TPTE: variants seen among roughly 807,000 people sequenced by gnomAD.
TPTE encodes the protein transmembrane phosphatase with tensin homology.
Under a neutral mutation model 84.1 loss-of-function variants are expected in TPTE, and 59 were observed. That is an observed-to-expected ratio of 0.70 (90% CI 0.57 to 0.87). The LOEUF is 0.87. TPTE is among the 40% of genes least tolerant of loss of function. The pLI is 0.00. For synonymous variants in TPTE, 130 were observed against 223.5 expected, an observed-to-expected ratio of 0.58 and a Z score of 3.73; for missense variants, 382 against 659.6, an observed-to-expected ratio of 0.58 and a Z score of 4.61.
chr21:10,583,217 A>G (rs551561809), intron 17 of TPTE, among the ~76,000 whole-genome samples: 80 of 152,284 alleles, frequency 5.3e-4, no homozygotes, highest in Admixed American at 8.5e-4. Flanking sequence ...GTAGACTTCA[A>G]GCATTCCATA....
intron 7 of TPTE, among the ~76,000 whole-genome samples, chr21:10,549,645 CAA>C (rs59073771): frequency 6.6e-6 from 1 of 151,814 alleles, no homozygotes; most frequent in African/African-American, 2.4e-5. Flanking sequence ...CACAGACAGG[CAA>C]AAAAAGGATA....
intron 8 of TPTE, among the ~76,000 whole-genome samples, chr21:10,559,027 C>T (rs210538): frequency 0.22 from 32,290 of 144,860 alleles, 320 homozygotes; most frequent in African/African-American, 0.48. Context: ...GTGTCTAGTT[C>T]GAGGAGATGA....
intron 17 of TPTE, among the ~76,000 whole-genome samples, chr21:10,584,460 C>G (rs1279314960): frequency 6.6e-6 from 1 of 152,294 alleles, no homozygotes; most frequent in Non-Finnish European, 1.5e-5. Context: ...ATATCAGCCT[C>G]TTGAGTAGCT....
chr21:10,543,001 A>ATCTG (rs2074398468), intron 6 of TPTE, among the ~76,000 whole-genome samples: 1 of 147,722 alleles, frequency 6.8e-6, no homozygotes, highest in Non-Finnish European at 1.5e-5. Context: ...CGCGTCTCCT[A>ATCTG]TCTGACTGTA....
intron 7 of TPTE, among the ~76,000 whole-genome samples, chr21:10,545,651 CAT>C (rs1491045869): frequency 6.6e-6 from 1 of 152,186 alleles, no homozygotes; most frequent in Non-Finnish European, 1.5e-5. Flanking sequence ...CACACACACA[CAT>C]ATAACACACA....
intron 3 of TPTE, among the ~76,000 whole-genome samples, chr21:10,535,975 A>G (rs947280081): frequency 6.6e-6 from 1 of 152,304 alleles, no homozygotes; most frequent in Non-Finnish European, 1.5e-5. Context: ...GACTGCAGTT[A>G]CATTAGAAAT....
intron 14 of TPTE, among the ~76,000 whole-genome samples, chr21:10,573,059 T>TTAA (rs1555814200): frequency 3.4e-5 from 5 of 146,740 alleles, no homozygotes; most frequent in African/African-American, 7.4e-5. Flanking sequence ...TGCCAAGATT[T>TTAA]AAAAAAAAAA....
intron 10 of TPTE, among the ~76,000 whole-genome samples, chr21:10,562,035 C>CAG (rs1040366367): frequency 6.4e-4 from 97 of 152,380 alleles, no homozygotes; most frequent in African/African-American, 2.0e-3. Flanking sequence ...TGCCTCAGAA[C>CAG]AGAGAGAGAG....
chr21:10,576,579 C>A (rs62211231), intron 14 of TPTE: 1,407 of 149,258 alleles, frequency 9.4e-3, no homozygotes, highest in Non-Finnish European at 0.014. Flanking sequence ...ACAGAGATAG[C>A]CAGTTTAATA....
chr21:10,554,880 TC>T (rs368774377), intron 8 of TPTE, among the ~76,000 whole-genome samples: 9 of 152,424 alleles, frequency 5.9e-5, no homozygotes, highest in African/African-American at 2.2e-4. Flanking sequence ...GAACATGTCA[TC>T]CCTCTGTATT....
intron 3 of TPTE, among the ~76,000 whole-genome samples, chr21:10,532,476 T>A (rs1020246581): frequency 1.0e-4 from 16 of 152,418 alleles, no homozygotes; most frequent in African/African-American, 3.6e-4. Context: ...TTCTCCACGG[T>A]TTTTTCTTCT....
At chr21:10,583,648 T>G (rs1328856442) in intron 17 of TPTE, among the ~76,000 whole-genome samples, 2 of 152,310 alleles carry the variant, frequency 1.3e-5, no homozygotes, top group Non-Finnish European at 1.5e-5. Flanking sequence ...TTAAGAAAAT[T>G]TTCCTTGAGT....
At chr21:10,545,423 G>A (rs1206157399) in intron 7 of TPTE, among the ~76,000 whole-genome samples, 2 of 152,310 alleles carry the variant, frequency 1.3e-5, no homozygotes, top group African/African-American at 4.8e-5. Context: ...TATAAATGTA[G>A]AGCAAATGTA....
intron 14 of TPTE, among the ~76,000 whole-genome samples, chr21:10,573,874 A>G (rs1568721505): frequency 6.6e-6 from 1 of 152,312 alleles, no homozygotes; most frequent in Non-Finnish European, 1.5e-5. Context: ...CGGCAACAAA[A>G]CAATGCAAAT....
intron 1 of TPTE, among the ~76,000 whole-genome samples, chr21:10,523,241 C>G (rs1392504674): frequency 6.6e-6 from 1 of 152,304 alleles, no homozygotes; most frequent in Non-Finnish European, 1.5e-5. Context: ...TTGGTACATT[C>G]TCCCCCACCC....
At chr21:10,590,034 T>TA (rs2075437992) in intron 17 of TPTE, among the ~76,000 whole-genome samples, 1 of 152,308 alleles carries the variant, frequency 6.6e-6, no homozygotes, top group African/African-American at 2.4e-5. Context: ...TATATGTATA[T>TA]TTTTAAATCT....
intron 10 of TPTE, among the ~76,000 whole-genome samples, chr21:10,561,441 G>A (rs1266326734): frequency 5.3e-5 from 8 of 151,080 alleles, no homozygotes; most frequent in Non-Finnish European, 1.0e-4. Flanking sequence ...GCATTGAGCC[G>A]AGATCATGCC....
intron 21 of TPTE, among the ~76,000 whole-genome samples, chr21:10,598,876 GC>G (rs1185452176): frequency 6.6e-6 from 1 of 152,310 alleles, no homozygotes; most frequent in Non-Finnish European, 1.5e-5. Context: ...TCTGCGCCCG[GC>G]TTTTTTGGCC....
chr21:10,539,734 G>GGGTGC (rs1371434157), intron 4 of TPTE, among the ~76,000 whole-genome samples: 1 of 152,302 alleles, frequency 6.6e-6, no homozygotes, highest in African/African-American at 2.4e-5. Context: ...TTGGAAGGTC[G>GGGTGC]GGTGCGGTGG....
Sources: allele counts gnomAD v4.1 joint callset (sites outside exome capture counted in the v4.1 genomes callset), GRCh38; gene constraint gnomAD v4.1.1; transcripts MANE v1.5; gene names NCBI Gene and HGNC (gene_info 2026-07-23, HGNC 2026-07-21).